Variants in DCHS2 observed in about 807,000 individuals in gnomAD.
DCHS2 encodes the protein protocadherin-23.
In DCHS2, 142 loss-of-function variants were observed where a neutral mutation model predicts 182.4. The observed-to-expected ratio is 0.78, with a 90% CI of 0.68 to 0.89. The LOEUF (loss-of-function observed/expected upper bound fraction) is 0.89. DCHS2 is among the 40% of genes least tolerant of loss of function. The pLI is 0.00. For missense variants in DCHS2, 4,319 were observed against 4,198.6 expected, an observed-to-expected ratio of 1.03 and a Z score of -0.79; for synonymous variants, 1,740 against 1,663.3, an observed-to-expected ratio of 1.05 and a Z score of -1.12.
chr4:154,259,500 C>CCA (rs147630053), intron 15 of DCHS2, 45 bp downstream of exon 15: 103,969 of 1,321,718 alleles, frequency 0.079, 677 homozygotes, highest in Middle Eastern at 0.12. Context: ...ACAGACACAC[C>CCA]CACACACACA....
chr4:154,470,263 A>G (rs1437698962), intron 1 of DCHS2, among the ~76,000 whole-genome samples: 3 of 152,118 alleles, frequency 2.0e-5, no homozygotes, highest in Non-Finnish European at 4.4e-5. Context: ...GGATCAATTG[A>G]GCCTCAATTG....
rs753823465 is a variant in DCHS2 at position 154,320,876 on chromosome 4, G to T, written c.4523C>A (p.Pro1508Gln). Residue 1508 changes from proline to glutamine, a missense_variant, in exon 9 of 20, where the codon CCA becomes CAA. Transcript: ENST00000357232. The part of the protein sequence containing the change: ...IDVEDQNDHS[P>Q]SFQDELIVIS... ...CACAATGAGCTCATCCTGGAAAGAT[G>T]GGGAATGGTCATTCTGATCTTCCAC... 1 of 1,614,046 alleles carries T rather than the reference G, an allele frequency of 6.2e-7. No homozygotes were observed. Among genetic ancestry groups the T allele is most frequent in the East Asian group, 2.2e-5 (1 of 44,886 alleles).
At chr4:154,379,302 A>G (rs1267694153) in intron 1 of DCHS2, among the ~76,000 whole-genome samples, 1 of 152,224 alleles carries the variant, frequency 6.6e-6, no homozygotes, top group Non-Finnish European at 1.5e-5. Context: ...TCTTTGGCCC[A>G]GAAGCCGTGC....
At chr4:154,252,341 A>AATT (rs1180506752) in intron 16 of DCHS2, among the ~76,000 whole-genome samples, 1 of 152,152 alleles carries the variant, frequency 6.6e-6, no homozygotes, top group African/African-American at 2.4e-5. Flanking sequence ...AGTTATTTTT[A>AATT]ATTATAATCT....
At chr4:154,256,074 T>C (rs1365530235) in intron 15 of DCHS2, among the ~76,000 whole-genome samples, 1 of 152,176 alleles carries the variant, frequency 6.6e-6, no homozygotes, top group Admixed American at 6.5e-5. Context: ...TTTCATTTGC[T>C]CTGTTTTTCT....
chr4:154,371,131 G>A (rs1730625268), intron 2 of DCHS2, among the ~76,000 whole-genome samples: 1 of 151,950 alleles, frequency 6.6e-6, no homozygotes, highest in African/African-American at 2.4e-5. Flanking sequence ...GAATGATGAG[G>A]AAACTGGTGA....
chr4:154,323,321 T>A, intron 7 of DCHS2: 1 of 1,535,420 alleles, frequency 6.5e-7, no homozygotes, highest in Non-Finnish European at 8.8e-7. Context: ...TTCAGAGGCA[T>A]AGGTCTAGCT....
intron 1 of DCHS2, among the ~76,000 whole-genome samples, chr4:154,445,815 A>C (rs1210867784): frequency 6.6e-6 from 1 of 151,938 alleles, no homozygotes; most frequent in Admixed American, 6.6e-5. Flanking sequence ...TGTCAAAAAA[A>C]AAAAAAAAAA....
rs531028580 is a variant in DCHS2 at position 154,364,281 on chromosome 4, A to G, written c.2476+1929T>C. On this transcript the variant is annotated intron_variant, in intron 3 of 19. Coordinates refer to ENST00000357232, the MANE Select transcript of DCHS2 (RefSeq NM_001358235.2). Reference sequence around the variant, plus strand: ...GAGAGATCTCCTCTAAAAACAGAATACAGTATAACTCATTCTTCCAGATCT... The same window carrying G: ...GAGAGATCTCCTCTAAAAACAGAATGCAGTATAACTCATTCTTCCAGATCT... Among the ~76,000 whole-genome samples, 4 of 152,320 alleles carry G rather than the reference A, an allele frequency of 2.6e-5. No homozygotes were observed. In the East Asian group the frequency reaches 7.7e-4, roughly 29 times the overall value.
In DCHS2 at chr4:154,491,232, T is replaced by C. The variant is rs1728823381; in HGVS notation, c.124A>G (p.Arg42Gly). The C allele has an allele frequency of 6.4e-7, 1 of 1,551,422 alleles. No homozygotes were observed. The highest frequency in any genetic ancestry group is 8.7e-7 in the Non-Finnish European group (1 of 1,146,978). ...AGCCAGAGCAGGGAGCGCTGCGTCC[T>C]GGCGCCGCTGCTGCCTGACCGCCCA... ...PHGRSGSSGA[R>G]TQRSLLWLLV... The change falls in exon 1 of 20, where the codon AGG becomes GGG. Residue 42 changes from arginine (R) to glycine (G), a missense_variant. By Grantham distance (125) the Arg-to-Gly change is moderately radical. Coordinates refer to ENST00000357232, the MANE Select transcript of DCHS2 (RefSeq NM_001358235.2).
At chr4:154,430,668 T>A (rs1234389492) in intron 1 of DCHS2, among the ~76,000 whole-genome samples, 1 of 152,204 alleles carries the variant, frequency 6.6e-6, no homozygotes, top group African/African-American at 2.4e-5. Context: ...TGGTGTAGCA[T>A]CTATCAATCT....
At chr4:154,451,806 C>T (rs1734548266) in intron 1 of DCHS2, among the ~76,000 whole-genome samples, 1 of 152,154 alleles carries the variant, frequency 6.6e-6, no homozygotes, top group Non-Finnish European at 1.5e-5. Context: ...AAGCCAGTGA[C>T]TTGGTCGTAT....
intron 1 of DCHS2, among the ~76,000 whole-genome samples, chr4:154,382,827 T>A (rs1731233732): frequency 6.6e-6 from 1 of 152,078 alleles, no homozygotes; most frequent in Non-Finnish European, 1.5e-5. Context: ...GAATAGCTAT[T>A]ATTGAAAAGT....
chr4:154,235,080 T>G lies in DCHS2; in HGVS notation c.9572A>C (p.Glu3191Ala), dbSNP rs760236185. 17 of 1,613,932 alleles carry G rather than the reference T, an allele frequency of 1.1e-5. No homozygotes were observed. The South Asian group carries it at 1.8e-4, about 17-fold the overall frequency. Residue 3191 changes from glutamate to alanine, a missense_variant, in exon 20 of 20, where the codon GAG (glutamate) becomes GCG (alanine). Transcript: ENST00000357232. Reference protein sequence around the residue: ...NVLPQTVQKREAKESILADVR... With the variant: ...NVLPQTVQKRAAKESILADVR... ...GTCAGCCAGGATGCTCTCTTTTGCC[T>G]CTCTCTTCTGAACTGTCTGGGGTAA...
In DCHS2 at chr4:154,299,080, A is replaced by AT. The variant is rs138716276; in HGVS notation, c.5606-373dup. Among the ~76,000 whole-genome samples the AT allele has an allele frequency of 8.1e-3, 1,228 of 152,300 alleles. 16 individuals carry two copies. Among genetic ancestry groups the AT allele is most frequent in the African/African-American group, 0.028 (1,165 of 41,558 alleles). On this transcript the variant is annotated intron_variant, in intron 12 of 19. Coordinates refer to ENST00000357232, the MANE Select transcript of DCHS2 (RefSeq NM_001358235.2). Reference sequence around the variant, plus strand: ...TATATGTTTTATTTAACACAAAACAATAGATGAGGATAAAAAAAACAGAAT... The same window carrying AT: ...TATATGTTTTATTTAACACAAAACAATTAGATGAGGATAAAAAAAACAGAAT...
At chr4:154,373,597 C>A (rs1040938475) in intron 2 of DCHS2, among the ~76,000 whole-genome samples, 2 of 152,134 alleles carry the variant, frequency 1.3e-5, no homozygotes, top group Non-Finnish European at 2.9e-5. Flanking sequence ...GATGTGGAGG[C>A]TCTTCTAGAA....
chr4:154,480,012 T>C (rs1735858929), intron 1 of DCHS2, among the ~76,000 whole-genome samples: 1 of 152,214 alleles, frequency 6.6e-6, no homozygotes, highest in African/African-American at 2.4e-5. Flanking sequence ...TTTTTAACCG[T>C]TCCTACTTAA....
Position 154,236,917 on chromosome 4 carries a change from T to C in DCHS2, c.7735A>G (p.Thr2579Ala). The C allele has an allele frequency of 1.2e-6, 2 of 1,614,088 alleles. No homozygotes were observed. Among genetic ancestry groups the C allele is most frequent in the South Asian group, 2.2e-5 (2 of 91,078 alleles). ...TATTCAACATATGTGTTTTCACGGG[T>C]CCAGTCATGGTCGATGTTTGAAAAT... ...VTFSNIDHDW[T>A]RENTYVEYSI... The change falls in exon 20 of 20, where the codon ACC becomes GCC. Residue 2579 changes from threonine (T) to alanine (A), a missense_variant. By Grantham distance (58) the Thr-to-Ala change is moderately conservative. Coordinates refer to ENST00000357232, the MANE Select transcript of DCHS2 (RefSeq NM_001358235.2).
chr4:154,364,460 C>T (rs1187703896), intron 3 of DCHS2, among the ~76,000 whole-genome samples: 2 of 152,222 alleles, frequency 1.3e-5, no homozygotes, highest in Non-Finnish European at 2.9e-5. Context: ...CAGTTAAGTC[C>T]TCAGTTAAGA....
Sources: gnomAD v4.1 joint callset for allele counts (sites outside exome capture counted in the v4.1 genomes callset) on GRCh38, gnomAD v4.1.1 for gene constraint, MANE v1.5 for transcripts, NCBI Gene and HGNC (gene_info 2026-07-23, HGNC 2026-07-21) for gene names.